Variants in BAALC observed in about 807,000 individuals in gnomAD.
BAALC encodes the protein BAALC binder of MAP3K1 and KLF4.
In BAALC, 9 loss-of-function variants were observed where a neutral mutation model predicts 15.5. That is an observed-to-expected ratio of 0.58 (90% CI 0.35 to 1.02). The LOEUF (loss-of-function observed/expected upper bound fraction) is 1.02, where lower values mean the gene tolerates loss of function less well. Ranked by LOEUF, BAALC falls within the 50% of genes least tolerant of loss-of-function variation. The probability of loss-of-function intolerance (pLI) is 0.02; values close to 1 mark genes in which losing one functional copy is unlikely to be tolerated. For missense variants in BAALC, 201 were observed against 192.4 expected (o/e 1.04, Z -0.27); for synonymous variants, 80 against 74.6 (o/e 1.07, Z -0.37).
At chr8:103,169,703 T>C (rs1157693603) in intron 1 of BAALC, among the ~76,000 whole-genome samples, 4 of 152,088 alleles carry the variant, frequency 2.6e-5, no homozygotes, top group Admixed American at 2.0e-4. Flanking sequence ...AAGCCTGGAG[T>C]CCCAGTGCTT....
At chr8:103,186,019 A>C (rs948794345) in intron 1 of BAALC, among the ~76,000 whole-genome samples, 2 of 152,120 alleles carry the variant, frequency 1.3e-5, no homozygotes, top group Non-Finnish European at 2.9e-5. Flanking sequence ...TGTGGCCCAC[A>C]TTGCCCATTT....
At chr8:103,167,349 T>C (rs1811371624) in intron 1 of BAALC, among the ~76,000 whole-genome samples, 1 of 152,164 alleles carries the variant, frequency 6.6e-6, no homozygotes, top group Admixed American at 6.5e-5. Flanking sequence ...AGCAGCGCTG[T>C]CCAGAGACTC....
intron 1 of BAALC, among the ~76,000 whole-genome samples, chr8:103,176,882 T>C (rs534865597): frequency 6.6e-6 from 1 of 152,344 alleles, no homozygotes; most frequent in East Asian, 1.9e-4. Flanking sequence ...GGGCAAATGC[T>C]GCAGGGCCCT....
At chr8:103,155,274 A>G (rs1811067245) in intron 1 of BAALC, among the ~76,000 whole-genome samples, 1 of 152,218 alleles carries the variant, frequency 6.6e-6, no homozygotes, top group African/African-American at 2.4e-5. Flanking sequence ...TATAACCATG[A>G]TACCATCATC....
At chr8:103,180,657 A>C (rs1162713986) in intron 1 of BAALC, among the ~76,000 whole-genome samples, 1 of 152,210 alleles carries the variant, frequency 6.6e-6, no homozygotes, top group Non-Finnish European at 1.5e-5. Flanking sequence ...TAGACAAAAT[A>C]AGGGCCAGAG....
chr8:103,157,820 T>A (rs1377648038), intron 1 of BAALC, among the ~76,000 whole-genome samples: 4 of 152,108 alleles, frequency 2.6e-5, no homozygotes, highest in Non-Finnish European at 5.9e-5. Context: ...AGAAAATTTT[T>A]AAAAAGTAAA....
rs190170180 is a variant in BAALC, at chr8:103,180,600, G to A, written c.161-32319G>A. ...GCCTCGTTCCTCGTGACTCACCAGG[G>A]AGAGAGAAACTGGAAAACAGGGACC... On this transcript the variant is annotated intron_variant, in intron 1 of 2. Coordinates refer to ENST00000309982, the MANE Select transcript of BAALC (RefSeq NM_024812.3). 9.8e-4 allele frequency among the ~76,000 whole-genome samples: 150 copies of A among 152,298 alleles called. 3 individuals are homozygous for A. The highest frequency in any genetic ancestry group is 3.4e-3 in the African/African-American group (143 of 41,562).
chr8:103,172,698 G>GGGTAGA lies in BAALC; in HGVS notation c.160+31642_160+31643insGTAGAG, dbSNP rs1470858854. On this transcript the variant is annotated intron_variant, in intron 1 of 2. Coordinates refer to ENST00000309982, the MANE Select transcript of BAALC (RefSeq NM_024812.3). ...ACATGAGCCACCATGCCCAGCCTCT[G>GGGTAGA]GCTTGTTTTTCACTCACTGAGGTAG... is the stretch of plus-strand genomic sequence containing the variant. Among the ~76,000 whole-genome samples, 10 of 152,176 alleles carry GGGTAGA rather than the reference G, an allele frequency of 6.6e-5. No homozygotes were observed. In the East Asian group the frequency reaches 1.9e-3, roughly 29 times the overall value.
At position 103,212,908 on chromosome 8, in the gene BAALC, ACCTC is replaced by A; in HGVS notation, c.161-8_161-5del. 1.9e-6 allele frequency: 3 copies of A among 1,608,322 alleles called. No individual in the cohort carries two copies. The highest frequency in any genetic ancestry group is 2.6e-6 in the Non-Finnish European group (3 of 1,176,206). On this transcript the variant is annotated splice_polypyrimidine_tract_variant and splice_region_variant and intron_variant, in intron 1 of 2. Coordinates refer to ENST00000309982, the MANE Select transcript of BAALC (RefSeq NM_024812.3). The stretch of plus-strand genomic sequence containing the variant: ...AAGCTTCTGGTTCCATCCTCTGCTT[ACCTC>A]CCCCAGGCATGCTGGAAGATGGACT...
At chr8:103,183,271 A>G (rs1811765640) in intron 1 of BAALC, 6 of 688,506 alleles carry the variant, frequency 8.7e-6, no homozygotes. Flanking sequence ...AGAATCCCAA[A>G]GATGATGGGA....
chr8:103,163,766 C>T (rs995021190), intron 1 of BAALC, among the ~76,000 whole-genome samples: 25 of 152,138 alleles, frequency 1.6e-4, no homozygotes, highest in African/African-American at 6.0e-4. Flanking sequence ...TCCCTTCCTC[C>T]CCTATTGCTC....
intron 1 of BAALC, chr8:103,157,153 A>C (rs901611303): frequency 1.3e-5 from 2 of 150,058 alleles, no homozygotes; most frequent in South Asian, 2.1e-4. Flanking sequence ...CACACACACC[A>C]CACACAAATG....
intron 1 of BAALC, chr8:103,183,275 G>C (rs1039035768): frequency 2.9e-6 from 2 of 691,654 alleles, no homozygotes; most frequent in Non-Finnish European, 5.3e-6. Context: ...TCCCAAAGAT[G>C]ATGGGAAGTG....
chr8:103,186,860 G>A (rs1335833190), intron 1 of BAALC, among the ~76,000 whole-genome samples: 1 of 152,178 alleles, frequency 6.6e-6, no homozygotes, highest in Non-Finnish European at 1.5e-5. Context: ...AATTTTCCAA[G>A]TTTAATCCAA....
At chr8:103,176,797 A>C (rs982664812) in intron 1 of BAALC, among the ~76,000 whole-genome samples, 8 of 152,116 alleles carry the variant, frequency 5.3e-5, no homozygotes, top group Non-Finnish European at 7.4e-5. Context: ...ATGATCCGGG[A>C]AATTTTTCAT....
intron 1 of BAALC, among the ~76,000 whole-genome samples, chr8:103,156,820 G>A (rs1337532792): frequency 2.6e-5 from 4 of 152,194 alleles, no homozygotes; most frequent in Non-Finnish European, 5.9e-5. Context: ...TTCTGAATCA[G>A]GTGTTCCTTT....
intron 1 of BAALC, among the ~76,000 whole-genome samples, chr8:103,172,583 G>A (rs1037945019): frequency 2.0e-5 from 3 of 151,834 alleles, no homozygotes; most frequent in East Asian, 1.9e-4. Context: ...TGGTAGAGAC[G>A]TGGTTTCTAC....
chr8:103,203,600 C>T (rs1199258085), intron 1 of BAALC, among the ~76,000 whole-genome samples: 4 of 152,084 alleles, frequency 2.6e-5, no homozygotes, highest in African/African-American at 7.2e-5. Context: ...CCTCCCAAAC[C>T]CCCAGCCCTA....
At chr8:103,212,604 T>C (rs1418469147) in intron 1 of BAALC, among the ~76,000 whole-genome samples, 1 of 152,068 alleles carries the variant, frequency 6.6e-6, no homozygotes, top group African/African-American at 2.4e-5. Flanking sequence ...TGGAAACAAA[T>C]ATCCAAGCAA....
Sources: allele counts gnomAD v4.1 joint callset (sites outside exome capture counted in the v4.1 genomes callset), GRCh38; gene constraint gnomAD v4.1.1; transcripts MANE v1.5; gene names NCBI Gene and HGNC (gene_info 2026-07-23, HGNC 2026-07-21).